Variants in LRRTM4 observed in about 807,000 individuals in gnomAD.
LRRTM4 encodes the protein leucine-rich repeat transmembrane neuronal protein 4.
In LRRTM4, 25 loss-of-function variants were observed where a neutral mutation model predicts 47.6. The observed-to-expected ratio is 0.53, with a 90% confidence interval of 0.38 to 0.73. The LOEUF (loss-of-function observed/expected upper bound fraction) is 0.73, where lower values mean the gene tolerates loss of function less well. LRRTM4 is among the 30% of genes least tolerant of loss of function. The probability of loss-of-function intolerance (pLI) is 0.00; values close to 1 mark genes in which losing one functional copy is unlikely to be tolerated. For synonymous variants in LRRTM4, 311 were observed against 269.5 expected (o/e 1.15, Z -1.51); for missense variants, 638 against 713.4 (o/e 0.89, Z 1.20).
chr2:77,016,383 TAAAA>T (rs75200969), intron 3 of LRRTM4, among the ~76,000 whole-genome samples: 1 of 133,430 alleles, frequency 7.5e-6, no homozygotes, highest in African/African-American at 2.8e-5. Context: ...GAACTCCATT[TAAAA>T]AAAAAAAAAA....
intron 3 of LRRTM4, among the ~76,000 whole-genome samples, chr2:77,465,762 T>C (rs1676958822): frequency 6.6e-6 from 1 of 152,196 alleles, no homozygotes; most frequent in Non-Finnish European, 1.5e-5. Context: ...GCATTTTCTT[T>C]CAGAATACAA....
chr2:76,785,995 C>G (rs1327419388), intron 3 of LRRTM4, among the ~76,000 whole-genome samples: 1 of 152,236 alleles, frequency 6.6e-6, no homozygotes, highest in Non-Finnish European at 1.5e-5. Context: ...TGCAATTTAA[C>G]TCAATGATAC....
intron 3 of LRRTM4, among the ~76,000 whole-genome samples, chr2:77,183,378 G>A (rs1673405323): frequency 6.6e-6 from 1 of 152,128 alleles, no homozygotes; most frequent in Admixed American, 6.6e-5. Flanking sequence ...AAACCACAAA[G>A]AGATACCATC....
intron 3 of LRRTM4, among the ~76,000 whole-genome samples, chr2:77,264,037 A>G (rs1675987792): frequency 1.3e-5 from 2 of 152,016 alleles, no homozygotes; most frequent in Admixed American, 6.6e-5. Flanking sequence ...ATTTTATCCA[A>G]TACTTGTGTA....
chr2:77,089,460 C>A (rs1291747447), intron 3 of LRRTM4, among the ~76,000 whole-genome samples: 1 of 151,712 alleles, frequency 6.6e-6, no homozygotes, highest in Non-Finnish European at 1.5e-5. Context: ...GCCCCAATCC[C>A]TTATTTCCGT....
chr2:76,816,966 T>C (rs1407616443), intron 3 of LRRTM4, among the ~76,000 whole-genome samples: 2 of 151,174 alleles, frequency 1.3e-5, no homozygotes. Flanking sequence ...GTCTATAGAG[T>C]CAAAGATACA....
intron 3 of LRRTM4, among the ~76,000 whole-genome samples, chr2:77,182,904 C>G (rs1174478469): frequency 6.6e-6 from 1 of 152,108 alleles, no homozygotes; most frequent in Admixed American, 6.6e-5. Flanking sequence ...AAACTGGATC[C>G]CTTCCTTACA....
At chr2:77,216,638 A>G (rs1674448133) in intron 3 of LRRTM4, among the ~76,000 whole-genome samples, 1 of 152,198 alleles carries the variant, frequency 6.6e-6, no homozygotes, top group Non-Finnish European at 1.5e-5. Flanking sequence ...TTGTTCACCT[A>G]AGCAGTTAGA....
intron 3 of LRRTM4, among the ~76,000 whole-genome samples, chr2:77,507,932 A>G (rs1678842281): frequency 6.6e-6 from 1 of 152,156 alleles, no homozygotes; most frequent in East Asian, 1.9e-4. Context: ...GATGCTGACT[A>G]GTGGATCATG....
At chr2:77,346,467 CAT>C (rs1338315793) in intron 3 of LRRTM4, among the ~76,000 whole-genome samples, 15 of 152,004 alleles carry the variant, frequency 9.9e-5, no homozygotes, top group African/African-American at 2.9e-4. Flanking sequence ...CTTGTGTACA[CAT>C]GTGTGTGCTG....
At chr2:76,810,476 T>C (rs1343214482) in intron 3 of LRRTM4, among the ~76,000 whole-genome samples, 5 of 152,198 alleles carry the variant, frequency 3.3e-5, no homozygotes, top group Non-Finnish European at 5.9e-5. Flanking sequence ...CTTGTAAGAA[T>C]AGGTGCTTGT....
chr2:77,183,739 T>A (rs1426174123), intron 3 of LRRTM4, among the ~76,000 whole-genome samples: 3 of 152,148 alleles, frequency 2.0e-5, no homozygotes, highest in Non-Finnish European at 4.4e-5. Context: ...CACCATGGAA[T>A]ACTATGCAGC....
intron 3 of LRRTM4, among the ~76,000 whole-genome samples, chr2:76,989,341 A>G (rs2103987625): frequency 6.6e-6 from 1 of 151,948 alleles, no homozygotes; most frequent in Non-Finnish European, 1.5e-5. Flanking sequence ...CTGTAAGAGG[A>G]CCCACAACAA....
At chr2:77,081,356 T>C (rs961237239) in intron 3 of LRRTM4, among the ~76,000 whole-genome samples, 4 of 151,834 alleles carry the variant, frequency 2.6e-5, no homozygotes, top group African/African-American at 9.7e-5. Context: ...TATATTTCTA[T>C]TATAAAATGT....
intron 3 of LRRTM4, among the ~76,000 whole-genome samples, chr2:77,462,168 T>C (rs1448897537): frequency 6.6e-6 from 1 of 152,112 alleles, no homozygotes; most frequent in Non-Finnish European, 1.5e-5. Context: ...CCTATTGTAA[T>C]GGTCAGTTTG....
intron 3 of LRRTM4, among the ~76,000 whole-genome samples, chr2:76,855,228 A>G (rs80037788): frequency 0.027 from 4,104 of 152,300 alleles, 169 homozygotes; most frequent in African/African-American, 0.083. Flanking sequence ...GGCCCGTGTA[A>G]GCCATCAGTT....
intron 3 of LRRTM4, among the ~76,000 whole-genome samples, chr2:77,180,541 T>C (rs1328173430): frequency 6.6e-6 from 1 of 152,214 alleles, no homozygotes; most frequent in Non-Finnish European, 1.5e-5. Flanking sequence ...TCCTATATCA[T>C]AGACCTGTTG....
chr2:77,390,344 T>C (rs1372694347), intron 3 of LRRTM4, among the ~76,000 whole-genome samples: 5 of 151,974 alleles, frequency 3.3e-5, no homozygotes, highest in Non-Finnish European at 2.9e-5. Context: ...ATGAAGGCAA[T>C]AGATTCTAGC....
At chr2:76,840,510 A>G (rs575799110) in intron 3 of LRRTM4, among the ~76,000 whole-genome samples, 25 of 152,324 alleles carry the variant, frequency 1.6e-4, no homozygotes, top group African/African-American at 6.0e-4. Flanking sequence ...AGAAAAGGTT[A>G]ATGTTTATGT....
Sources: allele counts gnomAD v4.1 joint callset (sites outside exome capture counted in the v4.1 genomes callset), GRCh38; gene constraint gnomAD v4.1.1; transcripts MANE v1.5; gene names NCBI Gene and HGNC (gene_info 2026-07-23, HGNC 2026-07-21).